Variants in HCN1 observed in about 807,000 individuals in gnomAD.
HCN1 encodes hyperpolarization activated cyclic nucleotide gated potassium channel 1.
HCN1 carries 13 observed loss-of-function variants against 78.9 expected under a neutral mutation model. That is an observed-to-expected ratio of 0.16 (90% confidence interval 0.11 to 0.26). HCN1 has a LOEUF of 0.26. Ranked by LOEUF, HCN1 falls within the 10% of genes least tolerant of loss-of-function variation. HCN1 has a pLI of 1.00. For missense variants in HCN1, 810 were observed against 1,154.3 expected, an observed-to-expected ratio of 0.70 and a Z score of 4.32; for synonymous variants, 552 against 455.5, an observed-to-expected ratio of 1.21 and a Z score of -2.70.
chr5:45,548,006 T>C (rs894947956), intron 2 of HCN1, among the ~76,000 whole-genome samples: 5 of 152,050 alleles, frequency 3.3e-5, no homozygotes, highest in South Asian at 2.1e-4. Context: ...ATCTTTTCCT[T>C]TGGTTGACCA....
intron 4 of HCN1, among the ~76,000 whole-genome samples, chr5:45,363,361 G>T (rs1372406903): frequency 6.6e-6 from 1 of 151,232 alleles, no homozygotes; most frequent in Non-Finnish European, 1.5e-5. Flanking sequence ...GGTCTTCTGG[G>T]GGGTGAGGAG....
chr5:45,490,715 A>ACCT (rs1302756023), intron 2 of HCN1, among the ~76,000 whole-genome samples: 2 of 152,158 alleles, frequency 1.3e-5, no homozygotes, highest in East Asian at 3.8e-4. Context: ...TGTGCCACAT[A>ACCT]AATATACATA....
At chr5:45,398,010 G>C (rs2112042072) in intron 3 of HCN1, among the ~76,000 whole-genome samples, 1 of 151,428 alleles carries the variant, frequency 6.6e-6, no homozygotes, top group African/African-American at 2.4e-5. Context: ...ATTTAAAAAT[G>C]ATCTTTCTAT....
At chr5:45,646,028 C>CA (rs1745541913) in intron 1 of HCN1, among the ~76,000 whole-genome samples, 2 of 151,566 alleles carry the variant, frequency 1.3e-5, no homozygotes, top group Admixed American at 6.6e-5. Flanking sequence ...TTTTAGATGT[C>CA]AATTTACCAA....
intron 4 of HCN1, among the ~76,000 whole-genome samples, chr5:45,374,115 TAA>T (rs1340138462): frequency 9.7e-6 from 1 of 103,420 alleles, no homozygotes; most frequent in African/African-American, 3.8e-5. Flanking sequence ...ATTATATACA[TAA>T]TATATATAAT....
At chr5:45,300,392 C>T (rs963957920) in intron 6 of HCN1, among the ~76,000 whole-genome samples, 2 of 151,958 alleles carry the variant, frequency 1.3e-5, no homozygotes, top group Admixed American at 1.3e-4. Flanking sequence ...TCTTCCTTCT[C>T]CTCTTCATCC....
chr5:45,283,255 G>A (rs150026104), intron 6 of HCN1, among the ~76,000 whole-genome samples: 194 of 152,114 alleles, frequency 1.3e-3, no homozygotes, highest in African/African-American at 4.5e-3. Flanking sequence ...TGACAAAGAT[G>A]CCAAAAGCAA....
At chr5:45,593,303 CT>C (rs1744416226) in intron 2 of HCN1, among the ~76,000 whole-genome samples, 2 of 71,108 alleles carry the variant, frequency 2.8e-5, no homozygotes, top group African/African-American at 4.8e-5. Flanking sequence ...CTCTCTCTCT[CT>C]CTCTCTCTCT....
rs1414614655 is a variant in HCN1, at chr5:45,438,359, G to A, written c.1011+23487C>T. ...AACACATATGACACTTTGGGAGGCC[G>A]AGGAGGGCGGATCACCAGGTCAGGA... On this transcript the variant is annotated intron_variant, in intron 3 of 7. Coordinates refer to ENST00000303230, the MANE Select transcript of HCN1 (RefSeq NM_021072.4). 3.3e-5 allele frequency among the ~76,000 whole-genome samples: 5 copies of A among 152,208 alleles called. No individual in the cohort carries two copies. In the East Asian group the frequency reaches 9.7e-4, roughly 29 times the overall value.
intron 2 of HCN1, among the ~76,000 whole-genome samples, chr5:45,554,636 C>T (rs926193564): frequency 6.6e-6 from 1 of 151,672 alleles, no homozygotes; most frequent in Non-Finnish European, 1.5e-5. Context: ...ACAGCCTAAT[C>T]CAACCTGTGG....
intron 2 of HCN1, among the ~76,000 whole-genome samples, chr5:45,557,215 C>T (rs908213307): frequency 2.0e-5 from 3 of 151,890 alleles, no homozygotes; most frequent in Non-Finnish European, 2.9e-5. Flanking sequence ...TGTCTTTGTT[C>T]TTATTTTGCT....
chr5:45,453,154 C>A (rs1171566626), intron 3 of HCN1, among the ~76,000 whole-genome samples: 1 of 152,012 alleles, frequency 6.6e-6, no homozygotes, highest in Non-Finnish European at 1.5e-5. Flanking sequence ...CTATATAAGT[C>A]TCTTTTAAAC....
intron 5 of HCN1, among the ~76,000 whole-genome samples, chr5:45,342,516 G>A (rs969066683): frequency 5.3e-5 from 8 of 151,846 alleles, no homozygotes; most frequent in Non-Finnish European, 1.0e-4. Flanking sequence ...GGGATTATAG[G>A]CAGGTGTGAG....
chr5:45,605,584 A>T (rs1040652553), intron 2 of HCN1, among the ~76,000 whole-genome samples: 3 of 150,324 alleles, frequency 2.0e-5, no homozygotes, highest in African/African-American at 5.0e-5. Context: ...TATCAAAATT[A>T]AAAAAAAATT....
chr5:45,283,202 C>T (rs1302794266), intron 6 of HCN1, among the ~76,000 whole-genome samples: 3 of 152,092 alleles, frequency 2.0e-5, no homozygotes, highest in African/African-American at 7.2e-5. Flanking sequence ...GGAAACCAAC[C>T]TATGAAATAC....
intron 2 of HCN1, among the ~76,000 whole-genome samples, chr5:45,593,821 C>T (rs1245365384): frequency 6.6e-6 from 1 of 152,018 alleles, no homozygotes; most frequent in Non-Finnish European, 1.5e-5. Flanking sequence ...ATTACAGGTG[C>T]ATGCCACCAC....
intron 4 of HCN1, among the ~76,000 whole-genome samples, chr5:45,366,705 T>A (rs1018697726): frequency 4.2e-4 from 64 of 151,788 alleles, no homozygotes; most frequent in African/African-American, 1.5e-3. Context: ...CACCAGCAAA[T>A]TATCATGCAG....
chr5:45,273,914 T>A (rs1382291469), intron 6 of HCN1, among the ~76,000 whole-genome samples: 1 of 152,120 alleles, frequency 6.6e-6, no homozygotes, highest in Non-Finnish European at 1.5e-5. Flanking sequence ...GCGTATCATG[T>A]TTGGCTGGTA....
intron 2 of HCN1, among the ~76,000 whole-genome samples, chr5:45,519,428 C>G (rs1473112702): frequency 6.6e-6 from 1 of 151,894 alleles, no homozygotes; most frequent in East Asian, 1.9e-4. Flanking sequence ...GTAGATAAGT[C>G]CGAAAAGTAG....
Sources: gnomAD v4.1 joint callset for allele counts (sites outside exome capture counted in the v4.1 genomes callset) on GRCh38, gnomAD v4.1.1 for gene constraint, MANE v1.5 for transcripts, NCBI Gene and HGNC (gene_info 2026-07-23, HGNC 2026-07-21) for gene names.